Variants in ALOX12B observed in about 807,000 individuals in gnomAD.
ALOX12B encodes the protein arachidonate 12-lipoxygenase, 12R type.
In ALOX12B, 47 loss-of-function variants were observed where a neutral mutation model predicts 78.9. The ratio of observed to expected loss-of-function variants is 0.60; its 90% CI spans 0.47 to 0.76. ALOX12B has a LOEUF of 0.76. ALOX12B is among the 30% of genes least tolerant of loss of function. ALOX12B has a pLI of 0.00. For synonymous variants in ALOX12B, 370 were observed against 374.5 expected (o/e 0.99, Z 0.14); for missense variants, 805 against 922.6 (o/e 0.87, Z 1.65).
chr17:8,085,964 T>C, intron 2 of ALOX12B, 52 bp downstream of exon 2: 1 of 1,600,830 alleles, frequency 6.2e-7, no homozygotes, highest in Admixed American at 1.7e-5. Context: ...GGTAGCAGGC[T>C]GGAGCTAGAG....
At chr17:8,078,494 G>A (rs1977135996) in intron 8 of ALOX12B, among the ~76,000 whole-genome samples, 1 of 151,992 alleles carries the variant, frequency 6.6e-6, no homozygotes. Flanking sequence ...AAGAGGGCCG[G>A]GCGAGGTGGC....
At chr17:8,078,174 T>C (rs573191128) in intron 8 of ALOX12B, among the ~76,000 whole-genome samples, 1 of 150,812 alleles carries the variant, frequency 6.6e-6, no homozygotes, top group Non-Finnish European at 1.5e-5. Context: ...TGAGAAGGAG[T>C]CTTGCTCTGT....
Position 8,079,138 on chromosome 17 carries a change from C to A in ALOX12B, c.1071+258G>T, listed in dbSNP as rs1977151037. ...GGTCTCGATCTCCTGACCTCGTGAT[C>A]CGCCCGCCTCGGCCTCCCAAAGTGC... On this transcript the variant is annotated intron_variant, in intron 8 of 14. Transcript: ENST00000647874. The surrounding 1 kb of genome is among the most constrained non-coding windows in gnomAD (Gnocchi z 6.4). Among the ~76,000 whole-genome samples, 1 of 152,112 alleles carries A rather than the reference C, an allele frequency of 6.6e-6. No individual in the cohort carries two copies. The highest frequency in any genetic ancestry group is 1.5e-5 in the Non-Finnish European group (1 of 68,010).
At position 8,075,141 on chromosome 17, in the gene ALOX12B, C is replaced by A. The variant is rs1261389102; in HGVS notation, c.1654+454G>T. Among the ~76,000 whole-genome samples the A allele has an allele frequency of 4.6e-5, 7 of 152,320 alleles. No homozygotes were observed. The East Asian group carries it at 1.4e-3, about 29-fold the overall frequency. On this transcript the variant is annotated intron_variant, in intron 12 of 14. Transcript: ENST00000647874. ...TTTTCCCTTTTGCCTCCTCAATAAC[C>A]AGCACAGTGTTGCACTGTGGATGCT...
chr17:8,082,195 T>G (rs143031730), intron 2 of ALOX12B, among the ~76,000 whole-genome samples: 6 of 152,332 alleles, frequency 3.9e-5, no homozygotes, highest in Admixed American at 3.3e-4. Context: ...CCACAATAAA[T>G]AAGGCATCTT....
rs777140731 is a variant in ALOX12B at position 8,073,227 on chromosome 17, A to G, written c.1847T>C (p.Met616Thr). Residue 616 changes from methionine (M) to threonine (T), a missense_variant, in exon 14 of 15, where the codon ATG becomes ACG. Coordinates refer to ENST00000647874, the MANE Select transcript of ALOX12B (RefSeq NM_001139.3). ...GGTCTTCACATCCGGCAACGTGTCC[A>G]TGAAGGTCTCCAGAGTGGTCAGCCC... ...TKGLTTLETF[M>T]DTLPDVKTTC... 4 of 1,614,174 alleles carry G rather than the reference A, an allele frequency of 2.5e-6. 1 individual carries two copies. Among genetic ancestry groups the G allele is most frequent in the Non-Finnish European group, 3.4e-6 (4 of 1,180,032 alleles).
Position 8,080,108 on chromosome 17 carries a change from A to G in ALOX12B, c.754+127T>C, listed in dbSNP as rs1440636023. ...GAGCCCGGTGCGACATTTTCCAAGAAGCCGCCAGAGGGCGCGCGCGCGCCT... is the reference window on the plus strand; with the variant it reads ...GAGCCCGGTGCGACATTTTCCAAGAGGCCGCCAGAGGGCGCGCGCGCGCCT... On this transcript the variant is annotated intron_variant, in intron 6 of 14. Coordinates refer to ENST00000647874, the MANE Select transcript of ALOX12B (RefSeq NM_001139.3). The surrounding 1 kb of genome is among the most constrained non-coding windows in gnomAD (Gnocchi z 4.8). The G allele has an allele frequency of 2.0e-6, 3 of 1,474,130 alleles. No homozygotes were observed. The highest frequency in any genetic ancestry group is 9.5e-7 in the Non-Finnish European group (1 of 1,056,102). The allele number at this position is 1,474,130 out of a possible 1,614,324, so 91.3% of individuals were successfully genotyped here.
rs1412884174 is a variant in ALOX12B at position 8,079,992 on chromosome 17, A to G, written c.755-51T>C. 4.4e-6 allele frequency: 7 copies of G among 1,587,074 alleles called. No homozygotes were observed. In the South Asian group the frequency reaches 7.9e-5, roughly 18 times the overall value. On this transcript the variant is annotated intron_variant, in intron 6 of 14. Coordinates refer to ENST00000647874, the MANE Select transcript of ALOX12B (RefSeq NM_001139.3). This position sits in a 1 kb window ranked among gnomAD's most constrained non-coding sequence, Gnocchi z 6.4. ...CAAGGAGGCCCGGCCCCCCTCGGGG[A>G]CGGAGAGGCATGGGACAGAAGAAGA...
intron 2 of ALOX12B, among the ~76,000 whole-genome samples, chr17:8,082,665 G>C (rs1319748177): frequency 1.3e-5 from 2 of 152,182 alleles, no homozygotes; most frequent in Non-Finnish European, 2.9e-5. Context: ...CTGCTTCTTA[G>C]ATCTAAGTGA....
In ALOX12B at chr17:8,086,146, G is replaced by A. The variant is rs74896368; in HGVS notation, c.222C>T (p.Tyr74=). The A allele has an allele frequency of 7.7e-4, 1,240 of 1,614,174 alleles. 12 individuals carry two copies. In the East Asian group the frequency reaches 0.024, roughly 31 times the overall value. ...ACCAAGGGTCCTTGGGGAAGAAGGC[G>A]TACCGCTCTTTGTGCAGGCGGATGA... The part of the protein sequence containing the change: ...LIIIRLHKER[Y]AFFPKDPWYC... The change falls in exon 2 of 15, where the codon TAC becomes TAT. Residue 74 remains tyrosine, a synonymous_variant. Coordinates refer to ENST00000647874, the MANE Select transcript of ALOX12B (RefSeq NM_001139.3).
At position 8,072,705 on chromosome 17, in the gene ALOX12B, GTTTGT is replaced by G; in HGVS notation, c.*61_*65del. 6.3e-7 allele frequency: 1 copy of G among 1,597,818 alleles called. No individual in the cohort carries two copies. Among genetic ancestry groups the G allele is most frequent in the Admixed American group, 1.7e-5 (1 of 59,406 alleles). On this transcript the variant is annotated 3_prime_UTR_variant, in exon 15 of 15. Transcript: ENST00000647874. ...TCTGAGGTTTTTGTGTTTTTTGCTT[GTTTGT>G]TTTGTTTTGTTGAAAATAGTAGGGC...
chr17:8,078,730 G>T (rs968904773), intron 8 of ALOX12B, among the ~76,000 whole-genome samples: 1 of 152,070 alleles, frequency 6.6e-6, no homozygotes, highest in Admixed American at 6.5e-5. Context: ...CTTGCAAGGT[G>T]CATCTCCACC....
intron 8 of ALOX12B, among the ~76,000 whole-genome samples, chr17:8,077,992 C>T (rs1977122561): frequency 6.6e-6 from 1 of 152,134 alleles, no homozygotes; most frequent in Non-Finnish European, 1.5e-5. Context: ...CTCTACTGAA[C>T]GTGTACAGAC....
chr17:8,072,959 A>G lies in ALOX12B; in HGVS notation c.1927-9T>C, dbSNP rs372069114. The stretch of plus-strand genomic sequence containing the variant: ...AAGTGTCCCAGGGGCCGCTGCGGGC[A>G]GAGAGCTCGACAGCTGGGACCAGGG... On this transcript the variant is annotated splice_polypyrimidine_tract_variant and intron_variant, in intron 14 of 14. Coordinates refer to ENST00000647874, the MANE Select transcript of ALOX12B (RefSeq NM_001139.3). 61 of 1,609,504 alleles carry G rather than the reference A, an allele frequency of 3.8e-5. No individual in the cohort carries two copies. Among genetic ancestry groups the G allele is most frequent in the Non-Finnish European group, 5.0e-5 (59 of 1,177,590 alleles).
chr17:8,078,710 GT>G (rs745312645), intron 8 of ALOX12B, among the ~76,000 whole-genome samples: 1 of 152,104 alleles, frequency 6.6e-6, no homozygotes, highest in Non-Finnish European at 1.5e-5. Flanking sequence ...TGCCAAGGCG[GT>G]CCTTGAGCCT....
rs1977172596 is a variant in ALOX12B at position 8,079,923 on chromosome 17, CAG to C, written c.771_772del (p.His257GlnfsTer116). On this transcript the variant is annotated frameshift_variant, in exon 7 of 15. Coordinates refer to ENST00000647874, the MANE Select transcript of ALOX12B (RefSeq NM_001139.3). LOFTEE classifies it high-confidence loss of function. The surrounding 1 kb of genome is among the most constrained non-coding windows in gnomAD (Gnocchi z 6.4). ...GTACCCAAAGAAGGTGTCCTCTGCCCAGTGCTCGGCCACGTACTCTGCGAGGA... is the reference window on the plus strand; with the variant it reads ...GTACCCAAAGAAGGTGTCCTCTGCCCTGCTCGGCCACGTACTCTGCGAGGA... 1 of 1,612,532 alleles carries C rather than the reference CAG, an allele frequency of 6.2e-7. No individual in the cohort carries two copies. The highest frequency in any genetic ancestry group is 8.5e-7 in the Non-Finnish European group (1 of 1,179,536).
At chr17:8,076,880 G>GC (rs1321602714) in intron 9 of ALOX12B, 110 bp downstream of exon 9, 5 of 716,552 alleles carry the variant, frequency 7.0e-6, no homozygotes, top group Non-Finnish European at 1.0e-5. Flanking sequence ...GTCCCCAGAT[G>GC]CCCCCCAGGC....
chr17:8,075,789 C>T (rs1977067336), intron 11 of ALOX12B, 73 bp from the exon 12 acceptor site: 10 of 1,613,100 alleles, frequency 6.2e-6, no homozygotes, highest in Non-Finnish European at 8.5e-6. Flanking sequence ...TCCCACCTCC[C>T]CCAGGGTGCC....
intron 2 of ALOX12B, 39 bp from the exon 3 acceptor site, chr17:8,081,226 T>G: frequency 6.2e-7 from 1 of 1,600,150 alleles, no homozygotes. Flanking sequence ...GGGCTGACCC[T>G]TGCCCCTGCC....
Sources: gnomAD v4.1 joint callset for allele counts (sites outside exome capture counted in the v4.1 genomes callset) on GRCh38, gnomAD v4.1.1 for gene constraint, Gnocchi (gnomAD v3.1) non-coding constraint, MANE v1.5 for transcripts, NCBI Gene and HGNC (gene_info 2026-07-23, HGNC 2026-07-21) for gene names.